RBFOX2: variants seen among roughly 807,000 people sequenced by gnomAD.
RBFOX2 encodes RNA binding fox-1 homolog 2, also known as RNA binding protein fox-1 homolog 2.
RBFOX2 carries 10 observed loss-of-function variants against 49.1 expected under a neutral mutation model. The observed-to-expected ratio is 0.20, with a 90% confidence interval of 0.13 to 0.35. The LOEUF (loss-of-function observed/expected upper bound fraction) is 0.35, where lower values mean the gene tolerates loss of function less well. Among genes scored for constraint, RBFOX2 ranks in the 10% least tolerant of loss-of-function variants. The probability of loss-of-function intolerance (pLI) is 1.00; values close to 1 mark genes in which losing one functional copy is unlikely to be tolerated. For synonymous variants in RBFOX2, 183 were observed against 187.4 expected (o/e 0.98, Z 0.19); for missense variants, 323 against 486.9 (o/e 0.66, Z 3.17).
chr22:35,912,565 G>A (rs1221948246), intron 1 of RBFOX2, among the ~76,000 whole-genome samples: 3 of 152,108 alleles, frequency 2.0e-5, no homozygotes, highest in African/African-American at 4.8e-5. Context: ...TAAAACAAGG[G>A]ATGGATCCAA....
At chr22:36,009,306 G>A (rs921553847) in intron 1 of RBFOX2, among the ~76,000 whole-genome samples, 5 of 152,084 alleles carry the variant, frequency 3.3e-5, no homozygotes, top group African/African-American at 1.2e-4. Flanking sequence ...AAGCACAGAG[G>A]GGCTAAGTAA....
chr22:35,793,227 A>G (rs1224146147), intron 2 of RBFOX2, among the ~76,000 whole-genome samples: 2 of 152,326 alleles, frequency 1.3e-5, no homozygotes, highest in Non-Finnish European at 2.9e-5. Flanking sequence ...GAAAGAAATT[A>G]GCCAGGTGTG....
At chr22:35,931,422 G>T (rs934028119) in intron 1 of RBFOX2, among the ~76,000 whole-genome samples, 2 of 152,122 alleles carry the variant, frequency 1.3e-5, no homozygotes, top group African/African-American at 4.8e-5. Context: ...TCTCCAGCTG[G>T]GGGGCCTTAG....
chr22:35,947,277 G>A (rs2054388317), intron 1 of RBFOX2, among the ~76,000 whole-genome samples: 2 of 152,130 alleles, frequency 1.3e-5, no homozygotes, highest in Admixed American at 6.5e-5. Context: ...CATTACTTAT[G>A]TGTTTGTGTG....
At position 35,984,896 on chromosome 22, in the gene RBFOX2, C is replaced by T. The variant is rs568517309; in HGVS notation, c.186+43344G>A. Among the ~76,000 whole-genome samples, 104 of 152,118 alleles carry T rather than the reference C, an allele frequency of 6.8e-4. No individual in the cohort carries two copies. The South Asian group carries it at 0.02, about 29-fold the overall frequency. On this transcript the variant is annotated intron_variant, in intron 1 of 13. Coordinates refer to the RBFOX2 transcript ENST00000438146. ...CTTTAGTCATTCATTCAACAAATAC[C>T]GAGAATTCACTAAGTGACAGGCAAT... is the stretch of plus-strand genomic sequence containing the variant.
At chr22:35,791,493 T>C (rs1947647116) in intron 2 of RBFOX2, among the ~76,000 whole-genome samples, 1 of 152,134 alleles carries the variant, frequency 6.6e-6, no homozygotes, top group South Asian at 2.1e-4. Flanking sequence ...CAGGCACGAG[T>C]GTAAACAAAT....
chr22:36,008,233 C>T (rs1480603354), intron 1 of RBFOX2, among the ~76,000 whole-genome samples: 1 of 152,024 alleles, frequency 6.6e-6, no homozygotes, highest in African/African-American at 2.4e-5. Context: ...AAACCTTCCC[C>T]AAAACTCAAG....
chr22:35,804,640 A>G (rs1479173758), intron 2 of RBFOX2, among the ~76,000 whole-genome samples: 1 of 152,148 alleles, frequency 6.6e-6, no homozygotes, highest in Non-Finnish European at 1.5e-5. Context: ...GAAACTGTCA[A>G]CCAAGAATCC....
At chr22:36,018,329 AT>A (rs1169045070) in intron 1 of RBFOX2, among the ~76,000 whole-genome samples, 1 of 152,204 alleles carries the variant, frequency 6.6e-6, no homozygotes. Flanking sequence ...AGGAATCAAT[AT>A]CCAAACTCAT....
chr22:35,901,512 G>A (rs958599875), intron 1 of RBFOX2, among the ~76,000 whole-genome samples: 3 of 151,984 alleles, frequency 2.0e-5, no homozygotes, highest in South Asian at 2.1e-4. Context: ...AACAACAAAC[G>A]ACAGAGATAG....
At chr22:35,889,549 C>A (rs2047005299) in intron 1 of RBFOX2, among the ~76,000 whole-genome samples, 1 of 152,138 alleles carries the variant, frequency 6.6e-6, no homozygotes, top group South Asian at 2.1e-4. Flanking sequence ...CAGACTCTTA[C>A]ACAACAATCA....
chr22:35,806,640 AAAG>A (rs1950792114), intron 2 of RBFOX2, among the ~76,000 whole-genome samples: 1 of 152,248 alleles, frequency 6.6e-6, no homozygotes, highest in African/African-American at 2.4e-5. Context: ...AGGAATCAGT[AAAG>A]AAGGAACAAA....
chr22:35,928,362 C>T (rs2051931362), intron 1 of RBFOX2, among the ~76,000 whole-genome samples: 1 of 152,182 alleles, frequency 6.6e-6, no homozygotes, highest in Non-Finnish European at 1.5e-5. Flanking sequence ...CTGATCCTCA[C>T]TCTGCCATAT....
intron 1 of RBFOX2, among the ~76,000 whole-genome samples, chr22:35,852,697 G>A (rs1334421464): frequency 6.6e-6 from 1 of 152,058 alleles, no homozygotes; most frequent in Non-Finnish European, 1.5e-5. Context: ...TTGATATGAA[G>A]ACTGGAAAAT....
intron 1 of RBFOX2, chr22:35,821,703 C>A (rs1247654932): frequency 3.9e-6 from 2 of 514,172 alleles, no homozygotes; most frequent in Non-Finnish European, 7.7e-6. Flanking sequence ...CCCTAAAAGG[C>A]AGAGGTTCCC....
chr22:35,960,109 G>T (rs1352906858), intron 1 of RBFOX2, among the ~76,000 whole-genome samples: 1 of 151,950 alleles, frequency 6.6e-6, no homozygotes, highest in East Asian at 1.9e-4. Flanking sequence ...TACAGAACAG[G>T]GACTACTGAG....
chr22:35,832,569 G>A (rs1406229068), intron 1 of RBFOX2, among the ~76,000 whole-genome samples: 1 of 151,992 alleles, frequency 6.6e-6, no homozygotes, highest in Non-Finnish European at 1.5e-5. Flanking sequence ...GCAGTGGCTC[G>A]CACCTGTAAT....
intron 6 of RBFOX2, among the ~76,000 whole-genome samples, 171 bp from the exon 8 acceptor site, chr22:35,761,639 G>C (rs1055375493): frequency 4.6e-5 from 7 of 152,068 alleles, no homozygotes; most frequent in Non-Finnish European, 1.0e-4. Context: ...GTAGAACTAG[G>C]ACACAGTGAA....
intron 2 of RBFOX2, among the ~76,000 whole-genome samples, chr22:35,793,095 G>C (rs1948095951): frequency 6.6e-6 from 1 of 152,194 alleles, no homozygotes; most frequent in Non-Finnish European, 1.5e-5. Flanking sequence ...AATGGGGCCG[G>C]GTGCAATGGC....
Sources: gnomAD v4.1 joint callset for allele counts (sites outside exome capture counted in the v4.1 genomes callset) on GRCh38, gnomAD v4.1.1 for gene constraint, MANE v1.5 for transcripts, NCBI Gene and HGNC (gene_info 2026-07-23, HGNC 2026-07-21) for gene names.